CA13: variants seen among roughly 807,000 people sequenced by gnomAD.
CA13 encodes the protein carbonic anhydrase 13.
A neutral mutation model predicts 31.5 loss-of-function variants in CA13; 21 were observed. That is an observed-to-expected ratio of 0.67 (90% CI 0.47 to 0.96). CA13 has a LOEUF of 0.96. Ranked by LOEUF, CA13 falls within the 40% of genes least tolerant of loss-of-function variation. The pLI is 0.00. For synonymous variants in CA13, 117 were observed against 111.4 expected (o/e 1.05, Z -0.32); for missense variants, 315 against 318.9 (o/e 0.99, Z 0.09).
intron 1 of CA13, among the ~76,000 whole-genome samples, chr8:85,248,916 A>G (rs2129942202): frequency 6.6e-6 from 1 of 152,268 alleles, no homozygotes; most frequent in South Asian, 2.1e-4. Context: ...AGTGAAATAG[A>G]AGGCTTTTTC....
chr8:85,270,461 G>T (rs1420641570), intron 6 of CA13, among the ~76,000 whole-genome samples: 1 of 152,204 alleles, frequency 6.6e-6, no homozygotes, highest in Non-Finnish European at 1.5e-5. Context: ...GAGCTTGACT[G>T]ACATGAAAAC....
intron 2 of CA13, among the ~76,000 whole-genome samples, chr8:85,254,552 C>T (rs1249820526): frequency 6.6e-6 from 1 of 151,940 alleles, no homozygotes; most frequent in Non-Finnish European, 1.5e-5. Flanking sequence ...TGTGCTCTTT[C>T]TTTTAAATGA....
chr8:85,247,818 G>A (rs1463976945), intron 1 of CA13, among the ~76,000 whole-genome samples: 3 of 152,006 alleles, frequency 2.0e-5, no homozygotes, highest in Non-Finnish European at 4.4e-5. Flanking sequence ...TGATCTGCCT[G>A]CCTTGGCCTC....
chr8:85,256,646 A>T (rs1807301272), intron 2 of CA13, among the ~76,000 whole-genome samples: 1 of 152,250 alleles, frequency 6.6e-6, no homozygotes, highest in Non-Finnish European at 1.5e-5. Flanking sequence ...AGGAGCCAAG[A>T]TAGCTAGGAA....
At position 85,280,047 on chromosome 8, in the gene CA13, TGAG is replaced by T. The variant is rs572688689; in HGVS notation, c.670-1178_670-1176del. Among the ~76,000 whole-genome samples the T allele has an allele frequency of 1.3e-4, 20 of 152,172 alleles. No homozygotes were observed. The South Asian group carries it at 2.9e-3, about 22-fold the overall frequency. On this transcript the variant is annotated intron_variant, in intron 6 of 6. Transcript: ENST00000321764. ...CTGTAATTCCAGCACTTTAGGAGGC[TGAG>T]GAGGGCGGATCATGAGGTCAAGAGA...
In CA13 at chr8:85,259,495, C is replaced by G; in HGVS notation, c.310C>G (p.His104Asp). The G allele has an allele frequency of 6.2e-7, 1 of 1,613,964 alleles. No homozygotes were observed. Among genetic ancestry groups the G allele is most frequent in the African/African-American group, 1.3e-5 (1 of 75,006 alleles). Residue 104 changes from histidine to aspartate, a missense_variant, in exon 3 of 7, where the codon CAC becomes GAC. Transcript: ENST00000321764. Reference sequence around the variant, plus strand: ...CCTTCACTGGGGGTCCGCTGATGACCACGGCTCCGAGCACATAGTAGATGG... The same window carrying G: ...CCTTCACTGGGGGTCCGCTGATGACGACGGCTCCGAGCACATAGTAGATGG... ...VHLHWGSADD[H>D]GSEHIVDGVS...
Position 85,250,853 on chromosome 8 carries a change from A to G in CA13, c.151A>G (p.Lys51Glu), listed in dbSNP as rs1813813672. The change falls in exon 2 of 7, where the codon AAG (lysine) becomes GAG (glutamate). Residue 51 changes from lysine (K) to glutamate (E), a missense_variant. Physicochemically the swap from Lys to Glu is moderately conservative, Grantham distance 56. Transcript: ENST00000321764. ...CTCTTCCCTCCGACCACTTAGTATCAAGTATGACCCAAGCTCAGCTAAAAT... is the reference window on the plus strand; with the variant it reads ...CTCTTCCCTCCGACCACTTAGTATCGAGTATGACCCAAGCTCAGCTAAAAT... The part of the protein sequence containing the change: ...YDSSLRPLSI[K>E]YDPSSAKIIS... 2 of 1,613,972 alleles carry G rather than the reference A, an allele frequency of 1.2e-6. No homozygotes were observed. The highest frequency in any genetic ancestry group is 1.7e-6 in the Non-Finnish European group (2 of 1,179,974).
At chr8:85,261,936 C>G (rs1029370258) in intron 3 of CA13, among the ~76,000 whole-genome samples, 1 of 151,942 alleles carries the variant, frequency 6.6e-6, no homozygotes, top group Non-Finnish European at 1.5e-5. Context: ...GCTTTGACCT[C>G]CTGGGTTCAA....
chr8:85,272,637 T>G (rs1036126616), intron 6 of CA13, among the ~76,000 whole-genome samples: 3 of 152,224 alleles, frequency 2.0e-5, no homozygotes, highest in Admixed American at 2.0e-4. Context: ...TCACAGTTGA[T>G]GGACATTTGG....
chr8:85,266,812 G>C (rs1015831379), intron 4 of CA13, 109 bp downstream of exon 4: 2 of 727,412 alleles, frequency 2.7e-6, no homozygotes, highest in African/African-American at 3.6e-5. Flanking sequence ...CATTTTAGGT[G>C]TAGCAGTTTC....
chr8:85,256,445 C>G (rs1308329514), intron 2 of CA13, among the ~76,000 whole-genome samples: 1 of 152,188 alleles, frequency 6.6e-6, no homozygotes, highest in Non-Finnish European at 1.5e-5. Flanking sequence ...AGTGATCGTT[C>G]TTTAATTTTC....
chr8:85,269,092 G>C (rs1435517723), intron 6 of CA13, among the ~76,000 whole-genome samples: 1 of 152,184 alleles, frequency 6.6e-6, no homozygotes, highest in East Asian at 1.9e-4. Flanking sequence ...AGTGATTGGT[G>C]CAGTGCCCTA....
At chr8:85,248,366 A>G (rs971893613) in intron 1 of CA13, among the ~76,000 whole-genome samples, 1 of 151,588 alleles carries the variant, frequency 6.6e-6, no homozygotes, top group African/African-American at 2.4e-5. Context: ...CTGAGGCAGG[A>G]GAATTGCTTG....
At chr8:85,252,196 G>A (rs978060915) in intron 2 of CA13, among the ~76,000 whole-genome samples, 2 of 152,176 alleles carry the variant, frequency 1.3e-5, no homozygotes, top group African/African-American at 2.4e-5. Flanking sequence ...GGTCAAGGCT[G>A]CAATGAGCCA....
intron 2 of CA13, among the ~76,000 whole-genome samples, chr8:85,258,886 G>A (rs572426150): frequency 8.0e-5 from 12 of 150,606 alleles, no homozygotes; most frequent in African/African-American, 1.7e-4. Flanking sequence ...GCAGTGAGCC[G>A]TGATTGCATC....
chr8:85,255,842 T>C, intron 2 of CA13, among the ~76,000 whole-genome samples: 1 of 152,198 alleles, frequency 6.6e-6, no homozygotes, highest in Non-Finnish European at 1.5e-5. Context: ...CCTACCACCC[T>C]TGCTGTGGCT....
At chr8:85,272,408 A>T (rs1807539143) in intron 6 of CA13, among the ~76,000 whole-genome samples, 1 of 151,832 alleles carries the variant, frequency 6.6e-6, no homozygotes, top group Non-Finnish European at 1.5e-5. Context: ...GGCATGCATC[A>T]CCACGCCTGG....
At chr8:85,258,757 T>TCCAAAA (rs1564001439) in intron 2 of CA13, among the ~76,000 whole-genome samples, 1 of 6,262 alleles carries the variant, frequency 1.6e-4, no homozygotes, top group Non-Finnish European at 3.1e-4. Flanking sequence ...GCCCTGTCTC[T>TCCAAAA]ACAAAAAAAA....
chr8:85,248,428 G>A (rs1813767540), intron 1 of CA13, among the ~76,000 whole-genome samples: 1 of 150,458 alleles, frequency 6.6e-6, no homozygotes, highest in African/African-American at 2.5e-5. Context: ...TTGCACTCCG[G>A]CCTGGGCAAC....
Sources: allele counts gnomAD v4.1 joint callset (sites outside exome capture counted in the v4.1 genomes callset), GRCh38; gene constraint gnomAD v4.1.1; transcripts MANE v1.5; gene names NCBI Gene and HGNC (gene_info 2026-07-23, HGNC 2026-07-21).